OTOGL: variants seen among roughly 807,000 people sequenced by gnomAD.
OTOGL encodes otogelin-like protein.
A neutral mutation model predicts 318.5 loss-of-function variants in OTOGL; 285 were observed. The observed-to-expected ratio is 0.89, with a 90% confidence interval of 0.81 to 0.99. The LOEUF (loss-of-function observed/expected upper bound fraction) is 0.99. OTOGL is among the 50% of genes least tolerant of loss of function. OTOGL has a pLI of 0.00. For synonymous variants in OTOGL, 987 were observed against 936.5 expected (o/e 1.05, Z -0.99); for missense variants, 2,899 against 2,845.6 (o/e 1.02, Z -0.43).
chr12:80,219,791 T>C (rs1158814356), intron 5 of OTOGL, 23 bp from the exon 6 acceptor site: 5 of 365,510 alleles, frequency 1.4e-5, no homozygotes, highest in Non-Finnish European at 1.5e-5. Context: ...AGAAGATAAC[T>C]TTTTTTTTTT....
At chr12:80,253,256 G>A (rs573367569) in intron 13 of OTOGL, among the ~76,000 whole-genome samples, 2 of 152,166 alleles carry the variant, frequency 1.3e-5, no homozygotes, top group African/African-American at 2.4e-5. Context: ...CAAGTCATGG[G>A]ATAAGAAAAT....
intron 1 of OTOGL, among the ~76,000 whole-genome samples, chr12:80,150,687 G>A (rs1341196406): frequency 6.6e-6 from 1 of 152,192 alleles, no homozygotes; most frequent in Non-Finnish European, 1.5e-5. Flanking sequence ...CACCTTTGGT[G>A]AGTCATGGAT....
chr12:80,237,574 G>A (rs924666542), intron 9 of OTOGL, among the ~76,000 whole-genome samples: 4 of 152,140 alleles, frequency 2.6e-5, no homozygotes, highest in African/African-American at 7.2e-5. Context: ...TTGAAGAACA[G>A]CACAAAGTTA....
rs144648649 is a variant in OTOGL, at chr12:80,133,888, C to G, written c.-20+34283C>G. Among the ~76,000 whole-genome samples, 780 of 152,106 alleles carry G rather than the reference C, an allele frequency of 5.1e-3. 2 individuals carry two copies. Among genetic ancestry groups the G allele is most frequent in the Middle Eastern group, 0.021 (6 of 292 alleles). On this transcript the variant is annotated intron_variant, in intron 1 of 58. Coordinates refer to ENST00000547103, the MANE Select transcript of OTOGL (RefSeq NM_001378609.3). ...AGGTAGAGGGTGCAGTGAGCTGAGACTGTGCCACTGCACTCTGGCCTGGGC... is the reference window on the plus strand; with the variant it reads ...AGGTAGAGGGTGCAGTGAGCTGAGAGTGTGCCACTGCACTCTGGCCTGGGC...
chr12:80,201,917 C>T (rs983465362), intron 1 of OTOGL, among the ~76,000 whole-genome samples: 1 of 152,170 alleles, frequency 6.6e-6, no homozygotes, highest in South Asian at 2.1e-4. Flanking sequence ...GGAATAATAA[C>T]CTAATCAATC....
rs544311008 is a variant in OTOGL, at chr12:80,196,400, C to T, written c.-19-13013C>T. ...GGGTCTCAGATTTATTAACGCTACA[C>T]TAAGATGTACAATGAACAATTAGGT... On this transcript the variant is annotated intron_variant, in intron 1 of 58. Transcript: ENST00000547103. Among the ~76,000 whole-genome samples, 514 of 152,324 alleles carry T rather than the reference C, an allele frequency of 3.4e-3. 7 individuals carry two copies. The highest frequency in any genetic ancestry group is 0.012 in the African/African-American group (490 of 41,582).
At chr12:80,296,022 G>A (rs1565962230) in intron 26 of OTOGL, among the ~76,000 whole-genome samples, 1 of 152,098 alleles carries the variant, frequency 6.6e-6, no homozygotes, top group Non-Finnish European at 1.5e-5. Context: ...CCAAGGAAAG[G>A]GGTCTACCTG....
At position 80,379,588 on chromosome 12, in the gene OTOGL, T is replaced by TAA. The variant is rs1463925254; in HGVS notation, c.*1543_*1544dup. 9 of 151,368 alleles carry TAA rather than the reference T, an allele frequency of 5.9e-5. No individual in the cohort carries two copies. In the East Asian group the frequency reaches 1.4e-3, roughly 23 times the overall value. 9.4% of individuals were successfully genotyped at this position (151,368 alleles called of 1,614,324 possible). Reference sequence around the variant, plus strand: ...TGATTCCTATTAACATATAGATATATAAAATTAAATGTTTTTGGTTAAAAT... The same window carrying TAA: ...TGATTCCTATTAACATATAGATATATAAAAAATTAAATGTTTTTGGTTAAAAT... On this transcript the variant is annotated 3_prime_UTR_variant, in exon 59 of 59. Transcript: ENST00000547103.
At chr12:80,367,469 A>G in intron 53 of OTOGL, 92 bp from the exon 54 acceptor site, 3 of 1,027,672 alleles carry the variant, frequency 2.9e-6, no homozygotes, top group Non-Finnish European at 4.0e-6. Flanking sequence ...GCACATCGCA[A>G]TGAAAACATA....
intron 55 of OTOGL, among the ~76,000 whole-genome samples, chr12:80,369,286 A>G (rs1275788647): frequency 6.6e-6 from 1 of 152,050 alleles, no homozygotes; most frequent in Non-Finnish European, 1.5e-5. Context: ...GTAAGGTTTC[A>G]TGTCTTTAAA....
chr12:80,292,441 C>A (rs544046784), intron 26 of OTOGL, among the ~76,000 whole-genome samples: 13 of 152,364 alleles, frequency 8.5e-5, no homozygotes, highest in African/African-American at 2.9e-4. Flanking sequence ...CTCATGAACA[C>A]ATCTGCCCTC....
intron 24 of OTOGL, 51 bp downstream of exon 24, chr12:80,271,861 A>G (rs1440990674): frequency 6.5e-7 from 1 of 1,540,436 alleles, no homozygotes; most frequent in Non-Finnish European, 8.9e-7. Context: ...CTGAAAGCAC[A>G]ATATCTCCTG....
At chr12:80,264,879 T>C in intron 19 of OTOGL, 122 bp from the exon 20 acceptor site, 1 of 1,006,596 alleles carries the variant, frequency 9.9e-7, no homozygotes, top group Non-Finnish European at 1.5e-6. Flanking sequence ...AAGCTGAAAT[T>C]GTTCACTCTT....
At chr12:80,148,250 T>A (rs1340894929) in intron 1 of OTOGL, among the ~76,000 whole-genome samples, 4 of 146,288 alleles carry the variant, frequency 2.7e-5, no homozygotes, top group African/African-American at 1.0e-4. Context: ...GCAGGTCCGG[T>A]GGTGACAAAA....
At chr12:80,308,958 A>C (rs952406637) in intron 29 of OTOGL, among the ~76,000 whole-genome samples, 1 of 146,850 alleles carries the variant, frequency 6.8e-6, no homozygotes, top group Admixed American at 6.9e-5. Flanking sequence ...GAGACCGTGG[A>C]AAGAGAGGGA....
Sources: allele counts gnomAD v4.1 joint callset (sites outside exome capture counted in the v4.1 genomes callset), GRCh38; gene constraint gnomAD v4.1.1; transcripts MANE v1.5; gene names NCBI Gene and HGNC (gene_info 2026-07-23, HGNC 2026-07-21).